The following SHISA9 variants were observed in gnomAD, a reference collection of about 807,000 sequenced individuals.
SHISA9 encodes protein shisa-9.
Under a neutral mutation model 38.0 loss-of-function variants are expected in SHISA9, and 13 were observed. The ratio of observed to expected loss-of-function variants is 0.34; its 90% CI spans 0.22 to 0.54. The LOEUF (loss-of-function observed/expected upper bound fraction) is 0.54, where lower values mean the gene tolerates loss of function less well. Ranked by LOEUF, SHISA9 falls within the 20% of genes least tolerant of loss-of-function variation. The pLI, the probability that SHISA9 is intolerant of heterozygous loss-of-function variation, is 0.91. For missense variants in SHISA9, 538 were observed against 575.8 expected (o/e 0.93, Z 0.67); for synonymous variants, 275 against 242.0 (o/e 1.14, Z -1.27).
intron 2 of SHISA9, among the ~76,000 whole-genome samples, chr16:13,083,393 A>G (rs1378481718): frequency 1.3e-5 from 2 of 152,228 alleles, no homozygotes; most frequent in Non-Finnish European, 2.9e-5. Flanking sequence ...AGAGGGCTTC[A>G]CTTTGCATCT....
the SHISA9 span, among the ~76,000 whole-genome samples, chr16:13,428,511 A>G: frequency 6.6e-6 from 1 of 152,172 alleles, no homozygotes; most frequent in African/African-American, 2.4e-5. Flanking sequence ...GTGATCTCCA[A>G]CCTTGAAGAT....
chr16:13,460,060 ACCACACG>A, the SHISA9 span, among the ~76,000 whole-genome samples: 1 of 152,144 alleles, frequency 6.6e-6, no homozygotes, highest in African/African-American at 2.4e-5. Context: ...GACACGAGCC[ACCACACG>A]CAGCCTATAT....
intron 2 of SHISA9, among the ~76,000 whole-genome samples, chr16:13,187,170 A>G (rs80088118): frequency 0.015 from 2,263 of 152,228 alleles, 52 homozygotes; most frequent in African/African-American, 0.05. Context: ...TAATTTGCCT[A>G]TGGCCTGACA....
chr16:13,290,692 G>T, the SHISA9 span, among the ~76,000 whole-genome samples: 1 of 152,098 alleles, frequency 6.6e-6, no homozygotes, highest in Non-Finnish European at 1.5e-5. Flanking sequence ...CTGGTTTCCA[G>T]CCTGTGGTGG....
At chr16:13,347,379 T>A in the SHISA9 span, among the ~76,000 whole-genome samples, 1 of 152,160 alleles carries the variant, frequency 6.6e-6, no homozygotes, top group African/African-American at 2.4e-5. Flanking sequence ...GAGGTAGTAC[T>A]CAAACACATC....
chr16:13,255,616 T>C, the SHISA9 span, among the ~76,000 whole-genome samples: 2 of 152,074 alleles, frequency 1.3e-5, no homozygotes, highest in Non-Finnish European at 2.9e-5. Flanking sequence ...AATTTCCTTC[T>C]TCCTTACCTT....
At chr16:12,992,723 G>A (rs2141833971) in intron 2 of SHISA9, among the ~76,000 whole-genome samples, 1 of 152,254 alleles carries the variant, frequency 6.6e-6, no homozygotes, top group East Asian at 1.9e-4. Context: ...TTTTGTAACT[G>A]TAGGGTTGAC....
chr16:13,114,037 A>G (rs2074005329), intron 2 of SHISA9, among the ~76,000 whole-genome samples: 1 of 152,220 alleles, frequency 6.6e-6, no homozygotes, highest in South Asian at 2.1e-4. Flanking sequence ...GATGGTTAAA[A>G]TATTCCTAGA....
the SHISA9 span, among the ~76,000 whole-genome samples, chr16:13,368,738 CAAA>C: frequency 2.8e-4 from 39 of 141,800 alleles, no homozygotes; most frequent in African/African-American, 8.9e-4. Context: ...AAGATATGTG[CAAA>C]AAAAAAAAAA....
In SHISA9 at chr16:13,035,883, C is replaced by T. The variant is rs183961488; in HGVS notation, c.691+119068C>T. Among the ~76,000 whole-genome samples the T allele has an allele frequency of 2.4e-3, 359 of 152,138 alleles. 1 individual carries two copies. Among genetic ancestry groups the T allele is most frequent in the African/African-American group, 8.4e-3 (347 of 41,484 alleles). The stretch of plus-strand genomic sequence containing the variant: ...CAATCCACCAAAGAAGATATATATA[C>T]GGTCAATAAGTACATGAAAAGATGC... On this transcript the variant is annotated intron_variant, in intron 2 of 4. Coordinates refer to ENST00000558583, the MANE Select transcript of SHISA9 (RefSeq NM_001145204.3).
At chr16:12,967,221 A>G (rs1021196845) in intron 2 of SHISA9, among the ~76,000 whole-genome samples, 3 of 152,230 alleles carry the variant, frequency 2.0e-5, no homozygotes, top group Non-Finnish European at 2.9e-5. Context: ...ATGGAATACT[A>G]TGCAGCCATA....
At chr16:13,072,840 T>C (rs1051597618) in intron 2 of SHISA9, among the ~76,000 whole-genome samples, 3 of 152,092 alleles carry the variant, frequency 2.0e-5, no homozygotes, top group African/African-American at 7.2e-5. Context: ...TTTGTATTTT[T>C]AGTAGAGATG....
intron 2 of SHISA9, among the ~76,000 whole-genome samples, chr16:13,168,432 G>A (rs1017515774): frequency 6.6e-6 from 1 of 152,150 alleles, no homozygotes; most frequent in South Asian, 2.1e-4. Flanking sequence ...ACCTGGAAGC[G>A]GCTTACATCA....
Position 13,176,102 on chromosome 16 carries a change from GT to G in SHISA9, c.692-27285del, listed in dbSNP as rs144150959. On this transcript the variant is annotated intron_variant, in intron 2 of 4. Coordinates refer to ENST00000558583, the MANE Select transcript of SHISA9 (RefSeq NM_001145204.3). ...TTTTATAACTTAGCTTAATTTCCGT[GT>G]TTTTTTAATAAAAACCTGCCTAATG... Among the ~76,000 whole-genome samples the G allele has an allele frequency of 2.2e-4, 33 of 151,706 alleles. No individual in the cohort carries two copies. The South Asian group carries it at 5.0e-3, about 23-fold the overall frequency.
At chr16:12,914,721 G>A (rs967701717) in intron 1 of SHISA9, among the ~76,000 whole-genome samples, 2 of 152,120 alleles carry the variant, frequency 1.3e-5, no homozygotes, top group African/African-American at 4.8e-5. Flanking sequence ...CCATTGCCCC[G>A]TGATCGACAG....
chr16:13,089,063 T>C (rs1208096993), intron 2 of SHISA9, among the ~76,000 whole-genome samples: 2 of 152,256 alleles, frequency 1.3e-5, no homozygotes, highest in African/African-American at 4.8e-5. Context: ...TTTGTTAAGA[T>C]AATCATGTGG....
chr16:13,112,154 T>A (rs1417841486), intron 2 of SHISA9, among the ~76,000 whole-genome samples: 3 of 152,208 alleles, frequency 2.0e-5, no homozygotes, highest in Non-Finnish European at 4.4e-5. Context: ...CTAGGTTGTT[T>A]CATGATTCGT....
At chr16:12,928,723 G>A (rs1230876845) in intron 2 of SHISA9, among the ~76,000 whole-genome samples, 1 of 152,188 alleles carries the variant, frequency 6.6e-6, no homozygotes, top group Non-Finnish European at 1.5e-5. Flanking sequence ...TTGTGCAAGG[G>A]CAGCATGTGG....
At chr16:13,052,190 AAAG>A (rs2073259860) in intron 2 of SHISA9, among the ~76,000 whole-genome samples, 1 of 152,240 alleles carries the variant, frequency 6.6e-6, no homozygotes, top group Admixed American at 6.5e-5. Context: ...AAAAGAAAAA[AAAG>A]AAGCAAGCAA....
Sources: gnomAD v4.1 joint callset for allele counts (sites outside exome capture counted in the v4.1 genomes callset) on GRCh38, gnomAD v4.1.1 for gene constraint, MANE v1.5 for transcripts, NCBI Gene and HGNC (gene_info 2026-07-23, HGNC 2026-07-21) for gene names.